NCKAP5: variants seen among roughly 807,000 people sequenced by gnomAD.
NCKAP5 encodes NCK associated protein 5.
In NCKAP5, 92 loss-of-function variants were observed where a neutral mutation model predicts 167.0. The ratio of observed to expected loss-of-function variants is 0.55; its 90% CI spans 0.47 to 0.66. The LOEUF is 0.66. Among genes scored for constraint, NCKAP5 ranks in the 30% least tolerant of loss-of-function variants. The probability of loss-of-function intolerance (pLI) is 0.00; values close to 1 mark genes in which losing one functional copy is unlikely to be tolerated. For missense variants in NCKAP5, 2,378 were observed against 2,315.0 expected (o/e 1.03, Z -0.56); for synonymous variants, 891 against 877.4 (o/e 1.02, Z -0.27).
chr2:133,378,361 A>AT (rs1260076169), intron 3 of NCKAP5, among the ~76,000 whole-genome samples: 2 of 152,154 alleles, frequency 1.3e-5, no homozygotes, highest in East Asian at 1.9e-4. Context: ...ACTCTCACAA[A>AT]TTTTTTTCCT....
chr2:133,278,292 G>A (rs1229121206), intron 4 of NCKAP5, among the ~76,000 whole-genome samples: 2 of 152,346 alleles, frequency 1.3e-5, no homozygotes, highest in Middle Eastern at 3.4e-3. Context: ...AACTGAAGAT[G>A]TCAAGAGGAC....
At chr2:133,069,645 T>A (rs984171149) in intron 6 of NCKAP5, among the ~76,000 whole-genome samples, 1 of 152,164 alleles carries the variant, frequency 6.6e-6, no homozygotes, top group Non-Finnish European at 1.5e-5. Flanking sequence ...GGTATCTCCG[T>A]AAAGCCTTCA....
chr2:133,070,245 T>C (rs1418119359), intron 6 of NCKAP5, among the ~76,000 whole-genome samples: 4 of 152,158 alleles, frequency 2.6e-5, no homozygotes, highest in Admixed American at 2.6e-4. Flanking sequence ...GTCAGGATAA[T>C]TACCCAGTAA....
intron 16 of NCKAP5, among the ~76,000 whole-genome samples, chr2:132,735,068 C>T (rs1380395419): frequency 1.3e-5 from 2 of 152,214 alleles, no homozygotes; most frequent in Admixed American, 1.3e-4. Context: ...GTTGTCTGGT[C>T]CTTTGCAGGA....
chr2:133,384,855 A>G (rs1031056086), intron 3 of NCKAP5, among the ~76,000 whole-genome samples: 2 of 152,124 alleles, frequency 1.3e-5, no homozygotes, highest in Non-Finnish European at 2.9e-5. Flanking sequence ...TTTGTCTGTT[A>G]TTGGTGTATA....
chr2:133,253,967 A>G (rs1253547427), intron 4 of NCKAP5, among the ~76,000 whole-genome samples: 1 of 152,152 alleles, frequency 6.6e-6, no homozygotes, highest in Non-Finnish European at 1.5e-5. Context: ...AGTAACAAAA[A>G]TAAGCAGAAA....
At chr2:132,795,820 G>GAAAAAAAAAAAAAAAAAAA (rs55826486) in intron 12 of NCKAP5, among the ~76,000 whole-genome samples, 12 of 85,060 alleles carry the variant, frequency 1.4e-4, no homozygotes, top group East Asian at 3.2e-4. Context: ...CCCCGTATCA[G>GAAAAAAAAAAAAAAAAAAA]AAAAAAAAAA....
chr2:133,073,338 A>T (rs2080485308), intron 6 of NCKAP5, among the ~76,000 whole-genome samples: 1 of 152,222 alleles, frequency 6.6e-6, no homozygotes. Flanking sequence ...AAAACTAGAG[A>T]AAAAGATCCC....
chr2:132,697,968 CT>C (rs1361992509), intron 19 of NCKAP5, among the ~76,000 whole-genome samples: 2 of 152,162 alleles, frequency 1.3e-5, no homozygotes, highest in Non-Finnish European at 2.9e-5. Context: ...TGGCTTCAAA[CT>C]TTTATGAGTA....
At chr2:133,371,708 T>C (rs1411354450) in intron 3 of NCKAP5, among the ~76,000 whole-genome samples, 1 of 152,182 alleles carries the variant, frequency 6.6e-6, no homozygotes, top group East Asian at 1.9e-4. Flanking sequence ...TAGCTTGTGG[T>C]TTAACCTCTG....
At chr2:133,230,034 A>C (rs895173656) in intron 4 of NCKAP5, among the ~76,000 whole-genome samples, 19 of 152,272 alleles carry the variant, frequency 1.2e-4, no homozygotes, top group African/African-American at 4.6e-4. Context: ...CACTGATACT[A>C]GACTTGGCAT....
intron 8 of NCKAP5, among the ~76,000 whole-genome samples, chr2:132,933,126 C>T (rs1028189805): frequency 2.6e-5 from 4 of 151,920 alleles, no homozygotes; most frequent in East Asian, 1.9e-4. Flanking sequence ...GGGGTTTCAC[C>T]GTGTTAGCCA....
intron 3 of NCKAP5, among the ~76,000 whole-genome samples, chr2:133,414,521 C>T (rs1454523128): frequency 6.6e-6 from 1 of 151,768 alleles, no homozygotes; most frequent in Non-Finnish European, 1.5e-5. Flanking sequence ...TCTTGTTGCA[C>T]CAAAAAAAAG....
chr2:132,794,208 TTAAAAATGTTTATACATATA>T (rs1684306732), intron 12 of NCKAP5, among the ~76,000 whole-genome samples: 2 of 122,216 alleles, frequency 1.6e-5, no homozygotes, highest in Non-Finnish European at 3.3e-5. Flanking sequence ...GCTACTATTA[TTAAAAATGTTTATACATATA>T]TATATATATA....
chr2:133,190,806 C>T (rs909355563), intron 5 of NCKAP5, among the ~76,000 whole-genome samples: 2 of 151,994 alleles, frequency 1.3e-5, no homozygotes, highest in Non-Finnish European at 2.9e-5. Context: ...TAGACCTAAA[C>T]CTATAAAAAC....
In NCKAP5 at chr2:132,687,755, A is replaced by ACACACC. The variant is rs138845809; in HGVS notation, c.5714-14451_5714-14450insGGTGTG. ...CACACACACACACACACACACACAC[A>ACACACC]CCCTTCCTCTGAAGCTTTCCAGGGA... On this transcript the variant is annotated intron_variant, in intron 19 of 19. Coordinates refer to ENST00000409261, the MANE Select transcript of NCKAP5 (RefSeq NM_207363.3). 2.3e-3 allele frequency among the ~76,000 whole-genome samples: 325 copies of ACACACC among 142,268 alleles called. 1 individual carries two copies. The highest frequency in any genetic ancestry group is 6.7e-3 in the African/African-American group (252 of 37,720). 93.3% of individuals were successfully genotyped at this position (142,268 alleles called of 152,430 possible).
chr2:133,011,028 T>C (rs1437398019), intron 6 of NCKAP5, among the ~76,000 whole-genome samples: 1 of 152,200 alleles, frequency 6.6e-6, no homozygotes, highest in Non-Finnish European at 1.5e-5. Context: ...AAATTAAGCA[T>C]TGATAAACAC....
At chr2:132,676,651 C>G (rs918538492) in intron 19 of NCKAP5, among the ~76,000 whole-genome samples, 1 of 152,092 alleles carries the variant, frequency 6.6e-6, no homozygotes, top group Non-Finnish European at 1.5e-5. Context: ...ATCTATCTGG[C>G]AAATGACAAC....
intron 3 of NCKAP5, among the ~76,000 whole-genome samples, chr2:133,454,259 A>G (rs1691715526): frequency 6.6e-6 from 1 of 152,070 alleles, no homozygotes; most frequent in African/African-American, 2.4e-5. Flanking sequence ...ATTACCATCT[A>G]TAAAGCACTG....
Sources: gnomAD v4.1 joint callset for allele counts (sites outside exome capture counted in the v4.1 genomes callset) on GRCh38, gnomAD v4.1.1 for gene constraint, MANE v1.5 for transcripts, NCBI Gene and HGNC (gene_info 2026-07-23, HGNC 2026-07-21) for gene names.